MTDH: variants seen among roughly 807,000 people sequenced by gnomAD.
MTDH encodes protein LYRIC.
In MTDH, 34 loss-of-function variants were observed where a neutral mutation model predicts 72.7. The ratio of observed to expected loss-of-function variants is 0.47; its 90% CI spans 0.36 to 0.62. The LOEUF is 0.62. Among genes scored for constraint, MTDH ranks in the 20% least tolerant of loss-of-function variants. MTDH has a pLI of 0.00. For synonymous variants in MTDH, 266 were observed against 268.9 expected (o/e 0.99, Z 0.10); for missense variants, 677 against 699.4 (o/e 0.97, Z 0.36).
intron 2 of MTDH, among the ~76,000 whole-genome samples, chr8:97,684,330 A>C (rs1272199806): frequency 6.6e-6 from 1 of 152,166 alleles, no homozygotes; most frequent in Non-Finnish European, 1.5e-5. Flanking sequence ...TTTTAACTTA[A>C]AAATGTGTCT....
At chr8:97,696,839 C>A (rs769241080) in intron 6 of MTDH, among the ~76,000 whole-genome samples, 3 of 151,402 alleles carry the variant, frequency 2.0e-5, no homozygotes, top group Non-Finnish European at 4.4e-5. Flanking sequence ...TATGGGAGGC[C>A]AGGTGTGGTG....
rs920247183 is a variant in MTDH at position 97,728,615 on chromosome 8, T to C, written c.*3945T>C. The C allele has an allele frequency of 2.0e-5, 3 of 152,052 alleles. No homozygotes were observed. Among genetic ancestry groups the C allele is most frequent in the African/African-American group, 7.2e-5 (3 of 41,394 alleles). The allele number at this position is 152,052 out of a possible 1,614,324, so 9.4% of individuals were successfully genotyped here. A position where few individuals can be genotyped will look rare whatever the true frequency, so the allele number is the denominator to read the frequency against. On this transcript the variant is annotated 3_prime_UTR_variant, in exon 12 of 12. Transcript: ENST00000336273. The stretch of plus-strand genomic sequence containing the variant: ...GCTGTGTCCCCAAACAGCAATTGCT[T>C]GTACAAGATAGAAGTTTGCTTCTCA...
intron 2 of MTDH, among the ~76,000 whole-genome samples, chr8:97,669,309 C>A (rs534887388): frequency 1.3e-5 from 2 of 152,058 alleles, no homozygotes; most frequent in East Asian, 3.9e-4. Flanking sequence ...GCCACCACAC[C>A]CAACTAATTT....
In MTDH at chr8:97,719,035, A is replaced by T; in HGVS notation, c.1381-14A>T. 6.3e-7 allele frequency: 1 copy of T among 1,578,304 alleles called. No homozygotes were observed. The highest frequency in any genetic ancestry group is 8.6e-7 in the Non-Finnish European group (1 of 1,161,820). ...AATGCTTTATATAATCTAATAGGTT[A>T]TTTTTCTCTATAGGACACAGAAGAA... is the stretch of plus-strand genomic sequence containing the variant. On this transcript the variant is annotated splice_polypyrimidine_tract_variant and intron_variant, in intron 9 of 11. Coordinates refer to ENST00000336273, the MANE Select transcript of MTDH (RefSeq NM_178812.4).
chr8:97,722,381 C>G (rs1189952296), intron 10 of MTDH, among the ~76,000 whole-genome samples: 1 of 152,152 alleles, frequency 6.6e-6, no homozygotes, highest in Non-Finnish European at 1.5e-5. Flanking sequence ...GCAGGCGGAT[C>G]ACGAAGTCAA....
At chr8:97,723,934 C>T (rs1221742699) in intron 11 of MTDH, among the ~76,000 whole-genome samples, 2 of 151,892 alleles carry the variant, frequency 1.3e-5, no homozygotes, top group East Asian at 3.8e-4. Flanking sequence ...ATGGCGAAAC[C>T]CCGTCTCTAC....
chr8:97,651,906 A>C (rs1486845976), intron 1 of MTDH, among the ~76,000 whole-genome samples: 1 of 152,186 alleles, frequency 6.6e-6, no homozygotes, highest in Admixed American at 6.5e-5. Flanking sequence ...TCTACCATCC[A>C]TTCAGTTATT....
chr8:97,695,433 A>G (rs1038158496), intron 6 of MTDH, among the ~76,000 whole-genome samples: 3 of 152,200 alleles, frequency 2.0e-5, no homozygotes, highest in African/African-American at 7.2e-5. Flanking sequence ...TGTAAAAGTT[A>G]TATAGCATTT....
intron 2 of MTDH, among the ~76,000 whole-genome samples, chr8:97,675,848 G>C (rs1812822941): frequency 1.3e-5 from 2 of 152,126 alleles, no homozygotes; most frequent in Non-Finnish European, 2.9e-5. Flanking sequence ...CTCCAGCCTG[G>C]GTAGCAGAGC....
chr8:97,677,180 CAAAAAAA>C (rs71271142), intron 2 of MTDH, among the ~76,000 whole-genome samples: 58 of 44,122 alleles, frequency 1.3e-3, no homozygotes, highest in Non-Finnish European at 1.4e-3. Flanking sequence ...AAGCCTGTCT[CAAAAAAA>C]AAAAAAAAAA....
intron 3 of MTDH, 24 bp from the exon 4 acceptor site, chr8:97,687,405 A>G (rs780905504): frequency 1.9e-6 from 3 of 1,565,586 alleles, no homozygotes; most frequent in South Asian, 1.2e-5. Context: ...ACTGAATAAC[A>G]TTTTTTTTCT....
At chr8:97,668,213 G>A (rs1042526490) in intron 2 of MTDH, among the ~76,000 whole-genome samples, 7 of 152,098 alleles carry the variant, frequency 4.6e-5, no homozygotes, top group Admixed American at 4.6e-4. Context: ...CATGAACCCG[G>A]GAGGCGGAGC....
chr8:97,660,998 G>A (rs1812154361), intron 1 of MTDH, 74 bp from the exon 2 acceptor site: 3 of 1,182,176 alleles, frequency 2.5e-6, no homozygotes, highest in South Asian at 1.3e-5. Flanking sequence ...AGTATATATG[G>A]TTTCCTGCGT....
intron 1 of MTDH, among the ~76,000 whole-genome samples, chr8:97,657,893 A>G (rs1411028614): frequency 6.6e-6 from 1 of 152,206 alleles, no homozygotes; most frequent in Non-Finnish European, 1.5e-5. Flanking sequence ...ATTAGTTACT[A>G]TTCATGTAAG....
At chr8:97,682,266 A>ATG (rs1286158796) in intron 2 of MTDH, among the ~76,000 whole-genome samples, 7 of 5,686 alleles carry the variant, frequency 1.2e-3, no homozygotes, top group African/African-American at 5.0e-3. Flanking sequence ...ATATATATAT[A>ATG]TATATATATA....
At chr8:97,674,555 G>A (rs1416210499) in intron 2 of MTDH, among the ~76,000 whole-genome samples, 2 of 152,192 alleles carry the variant, frequency 1.3e-5, no homozygotes, top group African/African-American at 4.8e-5. Flanking sequence ...GTGCCAAAAT[G>A]TGAAGCAATC....
At chr8:97,686,162 AC>A (rs1813354846) in intron 2 of MTDH, among the ~76,000 whole-genome samples, 1 of 152,194 alleles carries the variant, frequency 6.6e-6, no homozygotes, top group Admixed American at 6.5e-5. Flanking sequence ...CAATCCAAAA[AC>A]TGATAATCAC....
At chr8:97,664,818 A>G (rs1232800574) in intron 2 of MTDH, among the ~76,000 whole-genome samples, 4 of 147,248 alleles carry the variant, frequency 2.7e-5, no homozygotes, top group African/African-American at 7.6e-5. Context: ...CTGGAGTGCA[A>G]TGGCACGATC....
intron 7 of MTDH, among the ~76,000 whole-genome samples, chr8:97,702,761 T>A (rs1386096641): frequency 6.6e-6 from 1 of 152,244 alleles, no homozygotes; most frequent in Non-Finnish European, 1.5e-5. Context: ...TTCTTTACCC[T>A]TTTGAAAAGA....
Sources: gnomAD v4.1 joint callset for allele counts (sites outside exome capture counted in the v4.1 genomes callset) on GRCh38, gnomAD v4.1.1 for gene constraint, MANE v1.5 for transcripts, NCBI Gene and HGNC (gene_info 2026-07-23, HGNC 2026-07-21) for gene names.